Variants in CHD5 observed in about 807,000 individuals in gnomAD.
CHD5 encodes the protein ATP-dependent chromatin remodeler CHD5.
In CHD5, 69 loss-of-function variants were observed where a neutral mutation model predicts 230.3. The ratio of observed to expected loss-of-function variants is 0.30; its 90% confidence interval spans 0.25 to 0.37. The LOEUF (loss-of-function observed/expected upper bound fraction) is 0.37. CHD5 is among the 10% of genes least tolerant of loss of function. The probability of loss-of-function intolerance (pLI) is 1.00; values close to 1 mark genes in which losing one functional copy is unlikely to be tolerated. For missense variants in CHD5, 1,827 were observed against 2,622.8 expected, an observed-to-expected ratio of 0.70 and a Z score of 6.63; for synonymous variants, 1,064 against 1,065.9, an observed-to-expected ratio of 1.00 and a Z score of 0.03.
chr1:6,136,422 G>T (rs562453406), intron 17 of CHD5, 95 bp downstream of exon 17: 2 of 1,429,768 alleles, frequency 1.4e-6, no homozygotes, highest in South Asian at 1.3e-5. Flanking sequence ...AGCAACGGCC[G>T]AGCAGGTCTC....
intron 9 of CHD5, among the ~76,000 whole-genome samples, chr1:6,147,357 C>T (rs1321325698): frequency 2.0e-5 from 3 of 152,214 alleles, no homozygotes; most frequent in Non-Finnish European, 4.4e-5. Context: ...GCCCCATCCA[C>T]CATCCCTCAC....
rs569650749 is a variant in CHD5 at position 6,149,422 on chromosome 1, G to C, written c.995-10C>G. ...CCGTCACCATCATCAACTAGGGTAG[G>C]GGAGAGGCAGTCATGGAAGTCCTCA... On this transcript the variant is annotated splice_polypyrimidine_tract_variant and intron_variant, in intron 7 of 41. Transcript: ENST00000262450. The C allele has an allele frequency of 6.3e-7, 1 of 1,595,816 alleles. No individual in the cohort carries two copies. Among genetic ancestry groups the C allele is most frequent in the East Asian group, 2.2e-5 (1 of 44,478 alleles).
intron 20 of CHD5, among the ~76,000 whole-genome samples, chr1:6,133,302 C>G (rs1054377435): frequency 6.6e-6 from 1 of 152,208 alleles, no homozygotes; most frequent in Non-Finnish European, 1.5e-5. Flanking sequence ...TCCATCTCCA[C>G]TCCAGCCCAC....
At chr1:6,114,143 C>T (rs1193046477) in intron 33 of CHD5, among the ~76,000 whole-genome samples, 1 of 151,958 alleles carries the variant, frequency 6.6e-6, no homozygotes, top group African/African-American at 2.4e-5. Context: ...ATCCTAGCTA[C>T]TCGGGAGGTT....
rs1395830120 is a variant in CHD5, at chr1:6,121,643, G to A, written c.4700-70C>T. On this transcript the variant is annotated intron_variant, in intron 31 of 41. Transcript: ENST00000262450. This position sits in a 1 kb window ranked among gnomAD's most constrained non-coding sequence, Gnocchi z 4.5. ...GAAGGAGTAGGGCAGGGAGTGGGGT[G>A]GCAGAGAGGAGAGATGGGGGCTTGG... 8.6e-6 allele frequency: 10 copies of A among 1,160,412 alleles called. No individual in the cohort carries two copies. The highest frequency in any genetic ancestry group is 1.1e-5 in the Non-Finnish European group (9 of 796,306). The allele number at this position is 1,160,412 out of a possible 1,614,324, so 71.9% of individuals were successfully genotyped here.
intron 13 of CHD5, 73 bp downstream of exon 13, chr1:6,143,750 C>A: frequency 7.7e-7 from 1 of 1,294,546 alleles, no homozygotes; most frequent in Non-Finnish European, 1.1e-6. Context: ...AACACACACC[C>A]CCTGCACATT....
chr1:6,131,242 T>A lies in CHD5; in HGVS notation c.3262+389A>T, dbSNP rs1666652547. On this transcript the variant is annotated intron_variant, in intron 21 of 41. Coordinates refer to ENST00000262450, the MANE Select transcript of CHD5 (RefSeq NM_015557.3). The surrounding 1 kb of genome is among the most constrained non-coding windows in gnomAD (Gnocchi z 5.0). ...TCTGGGGAAAGAGCCTGATCATGTG[T>A]GGCCCAGCCCTTTCACTCTCTCCTG... Among the ~76,000 whole-genome samples, 1 of 152,188 alleles carries A rather than the reference T, an allele frequency of 6.6e-6. No individual in the cohort carries two copies. The highest frequency in any genetic ancestry group is 2.4e-5 in the African/African-American group (1 of 41,452).
rs368027040 is a variant in CHD5, at chr1:6,128,515, G to A, written c.3714C>T (p.His1238=). 1.7e-5 allele frequency: 27 copies of A among 1,613,668 alleles called. No homozygotes were observed. The highest frequency in any genetic ancestry group is 1.2e-4 in the African/African-American group (9 of 74,954). The part of the protein sequence containing the change: ...GNLAASAKKK[H]GSTPPGDNKD... ...GGCCCCTACCTGGCGGGGTGCTACC[G>A]TGCTTCTTCTTTGCACTGGCGGCCA... Residue 1238 remains histidine (H), a synonymous_variant, in exon 24 of 42, where the codon CAC becomes CAT. Transcript: ENST00000262450. This position sits in a 1 kb window ranked among gnomAD's most constrained non-coding sequence, Gnocchi z 7.8.
At chr1:6,150,377 G>C (rs900702273) in intron 7 of CHD5, among the ~76,000 whole-genome samples, 2 of 143,548 alleles carry the variant, frequency 1.4e-5, no homozygotes, top group East Asian at 4.1e-4. Flanking sequence ...AGGATGGATG[G>C]ATGGATGGAT....
chr1:6,179,108 C>T (rs1230200068), intron 1 of CHD5, among the ~76,000 whole-genome samples: 2 of 152,228 alleles, frequency 1.3e-5, no homozygotes, highest in Non-Finnish European at 2.9e-5. Context: ...GCAAGGCAAC[C>T]CCTGGCGCAC....
chr1:6,175,405 G>A (rs1411211710), intron 1 of CHD5, among the ~76,000 whole-genome samples: 1 of 151,518 alleles, frequency 6.6e-6, no homozygotes, highest in East Asian at 1.9e-4. Context: ...ATGGATGGTG[G>A]ATAGATGAAT....
chr1:6,177,731 G>C (rs1484115690), intron 1 of CHD5, among the ~76,000 whole-genome samples: 1 of 152,224 alleles, frequency 6.6e-6, no homozygotes, highest in African/African-American at 2.4e-5. Flanking sequence ...AAATGACCAG[G>C]AGGCAGCGGT....
intron 2 of CHD5, among the ~76,000 whole-genome samples, chr1:6,160,797 G>C (rs778589108): frequency 2.0e-5 from 3 of 152,246 alleles, no homozygotes; most frequent in Non-Finnish European, 2.9e-5. Flanking sequence ...TGTACAGGCA[G>C]AAAATGGCCC....
chr1:6,154,440 TCCA>T lies in CHD5; in HGVS notation c.745+217_745+219del, dbSNP rs1464274737. ...CTGCCCACATCATCGCCTCTGCTTC[TCCA>T]CCAACCCCAAAAGGGAGTCAGGCAC... is the stretch of plus-strand genomic sequence containing the variant. On this transcript the variant is annotated intron_variant, in intron 5 of 41. Transcript: ENST00000262450. The surrounding 1 kb of genome is among the most constrained non-coding windows in gnomAD (Gnocchi z 7.0). 6.6e-6 allele frequency among the ~76,000 whole-genome samples: 1 copy of T among 152,074 alleles called. No homozygotes were observed. The highest frequency in any genetic ancestry group is 1.5e-5 in the Non-Finnish European group (1 of 68,020).
intron 33 of CHD5, among the ~76,000 whole-genome samples, chr1:6,119,574 T>A (rs1460390214): frequency 6.6e-6 from 1 of 152,108 alleles, no homozygotes; most frequent in East Asian, 1.9e-4. Context: ...TAATCCATAA[T>A]CATAATGAGA....
chr1:6,155,418 T>C lies in CHD5; in HGVS notation c.506+181A>G, dbSNP rs1369097995. ...GGGGCAGGGCCCACAAGGGAAGGCC[T>C]GGTGGTCTGTTAACATGAAGGGGTC... On this transcript the variant is annotated intron_variant, in intron 4 of 41. Transcript: ENST00000262450. The surrounding 1 kb of genome is among the most constrained non-coding windows in gnomAD (Gnocchi z 4.0). 1.3e-5 allele frequency among the ~76,000 whole-genome samples: 2 copies of C among 152,194 alleles called. No individual in the cohort carries two copies. Among genetic ancestry groups the C allele is most frequent in the East Asian group, 3.9e-4 (2 of 5,162 alleles).
In CHD5 at chr1:6,142,951, A is replaced by G. The variant is rs765503691; in HGVS notation, c.2044-346T>C. Among the ~76,000 whole-genome samples the G allele has an allele frequency of 3.0e-4, 45 of 152,332 alleles. No homozygotes were observed. The highest frequency in any genetic ancestry group is 3.4e-3 in the Middle Eastern group (1 of 294). ...TCTTGAGTACCACACAGTGCCTGGG[A>G]CATGTGGTCACTTACTCACCATTTT... On this transcript the variant is annotated intron_variant, in intron 13 of 41. Coordinates refer to ENST00000262450, the MANE Select transcript of CHD5 (RefSeq NM_015557.3). The surrounding 1 kb of genome is among the most constrained non-coding windows in gnomAD (Gnocchi z 5.2).
chr1:6,163,460 G>T (rs1488959080), intron 2 of CHD5, among the ~76,000 whole-genome samples: 3 of 152,188 alleles, frequency 2.0e-5, no homozygotes, highest in Non-Finnish European at 4.4e-5. Context: ...GGCCGAGGGT[G>T]GGGGTGCAGG....
rs551921295 is a variant in CHD5, at chr1:6,121,226, G to T, written c.4791C>A (p.Ala1597=). The T allele has an allele frequency of 6.2e-7, 1 of 1,610,710 alleles. No individual in the cohort carries two copies. The highest frequency in any genetic ancestry group is 1.3e-5 in the African/African-American group (1 of 74,816). Residue 1597 remains alanine, a synonymous_variant, in exon 33 of 42, where the codon GCC becomes GCA. Coordinates refer to ENST00000262450, the MANE Select transcript of CHD5 (RefSeq NM_015557.3). This position sits in a 1 kb window ranked among gnomAD's most constrained non-coding sequence, Gnocchi z 4.5. ...CCTCACTCTCCACTCTATCCAAGGC[G>T]GCTGGAAGGGCCTGCAGAGGAAAAG... ...RQPLEVQALP[A]ALDRVESEDK... is the part of the protein sequence containing the mutation.
Sources: gnomAD v4.1 joint callset for allele counts (sites outside exome capture counted in the v4.1 genomes callset) on GRCh38, gnomAD v4.1.1 for gene constraint, Gnocchi (gnomAD v3.1) non-coding constraint, MANE v1.5 for transcripts, NCBI Gene and HGNC (gene_info 2026-07-23, HGNC 2026-07-21) for gene names.